INSL6: variants seen among roughly 807,000 people sequenced by gnomAD.
INSL6 encodes insulin-like peptide INSL6.
Under a neutral mutation model 9.4 loss-of-function variants are expected in INSL6, and 16 were observed. That is an observed-to-expected ratio of 1.70 (90% confidence interval 1.15 to 2.59). INSL6 has a LOEUF of 2.59. Ranked by LOEUF, INSL6 falls within the 30% of genes most tolerant of loss-of-function variation. INSL6 has a pLI of 0.00. For missense variants in INSL6, 391 were observed against 257.3 expected (o/e 1.52, Z -3.56); for synonymous variants, 154 against 96.9 (o/e 1.59, Z -3.46).
chr9:5,069,240 C>T, the INSL6 span: 2 of 1,457,220 alleles, frequency 1.4e-6, no homozygotes, highest in Non-Finnish European at 1.9e-6. Context: ...TTTTAAATTA[C>T]TGGTCATGGA....
the INSL6 span, among the ~76,000 whole-genome samples, chr9:5,012,400 G>A: frequency 3.3e-3 from 500 of 151,924 alleles, no homozygotes; most frequent in African/African-American, 0.011. Context: ...TATAATTGTC[G>A]TCATCAGGAA....
At chr9:5,010,479 C>T in the INSL6 span, among the ~76,000 whole-genome samples, 1,050 of 152,200 alleles carry the variant, frequency 6.9e-3, 23 homozygotes, top group African/African-American at 0.024. Flanking sequence ...TACCACTATG[C>T]CCGGCTAATT....
rs561277020 is a variant in INSL6 at position 5,168,334 on chromosome 9, C to T, written c.290-4069G>A. On this transcript the variant is annotated intron_variant, in intron 1 of 1. Coordinates refer to ENST00000381641, the MANE Select transcript of INSL6 (RefSeq NM_007179.3). ...AAAGAAGCTAAGAACCATAATAAAACATTACAGGAGCTGTTAACAAGAATA... is the reference window on the plus strand; with the variant it reads ...AAAGAAGCTAAGAACCATAATAAAATATTACAGGAGCTGTTAACAAGAATA... 3.7e-4 allele frequency among the ~76,000 whole-genome samples: 57 copies of T among 152,180 alleles called. 1 individual carries two copies. The highest frequency in any genetic ancestry group is 1.0e-3 in the South Asian group (5 of 4,810).
chr9:5,012,695 T>A, the INSL6 span, among the ~76,000 whole-genome samples: 1 of 152,238 alleles, frequency 6.6e-6, no homozygotes, highest in Admixed American at 6.5e-5. Flanking sequence ...CTGCTAAGAA[T>A]AGATCGTTTG....
At chr9:5,104,764 CAATA>C in the INSL6 span, among the ~76,000 whole-genome samples, 3 of 152,188 alleles carry the variant, frequency 2.0e-5, no homozygotes, top group African/African-American at 7.2e-5. Context: ...ATTTGCAAAT[CAATA>C]AACGTAATCC....
At chr9:5,089,461 C>T in the INSL6 span, among the ~76,000 whole-genome samples, 2 of 146,148 alleles carry the variant, frequency 1.4e-5, no homozygotes, top group African/African-American at 2.7e-5. Flanking sequence ...TGGTGTGAAC[C>T]CAGGGGGCGG....
downstream of INSL6, among the ~76,000 whole-genome samples, chr9:5,161,844 C>T (rs183296311): frequency 6.6e-6 from 1 of 152,134 alleles, no homozygotes; most frequent in East Asian, 1.9e-4. Context: ...CTTTGGGAGG[C>T]CAAGGTGGGA....
the INSL6 span, among the ~76,000 whole-genome samples, chr9:5,043,016 CG>C: frequency 6.6e-6 from 1 of 152,194 alleles, no homozygotes. Flanking sequence ...TCGCGCGGCT[CG>C]GCCCCTGGGC....
chr9:5,045,651 A>C, the INSL6 span, among the ~76,000 whole-genome samples: 3 of 152,192 alleles, frequency 2.0e-5, no homozygotes, highest in South Asian at 2.1e-4. Context: ...TACCTCATAC[A>C]AATGGAGTTA....
intron 2 of INSL6, among the ~76,000 whole-genome samples, chr9:5,143,857 A>T (rs556242998): frequency 6.6e-6 from 1 of 150,386 alleles, no homozygotes; most frequent in East Asian, 2.0e-4. Context: ...ACAGGGTTTC[A>T]CCATGTTGGC....
chr9:5,171,111 A>G (rs1429542874), intron 1 of INSL6, among the ~76,000 whole-genome samples: 1 of 152,194 alleles, frequency 6.6e-6, no homozygotes, highest in African/African-American at 2.4e-5. Flanking sequence ...AACCAAATAC[A>G]GCAGCACATC....
the INSL6 span, among the ~76,000 whole-genome samples, chr9:5,071,048 T>TA: frequency 6.6e-6 from 1 of 152,206 alleles, no homozygotes; most frequent in African/African-American, 2.4e-5. Flanking sequence ...ACTGCGCTTC[T>TA]GGTGAGGAAA....
chr9:5,155,601 G>A (rs1338089951), intron 2 of INSL6, among the ~76,000 whole-genome samples: 2 of 151,574 alleles, frequency 1.3e-5, no homozygotes, highest in Non-Finnish European at 2.9e-5. Context: ...AAAAAAGGGT[G>A]AGTTCAAGTC....
intron 1 of INSL6, among the ~76,000 whole-genome samples, chr9:5,179,396 A>C (rs1825393066): frequency 6.6e-6 from 1 of 152,206 alleles, no homozygotes. Context: ...GAACACTTTT[A>C]CACTGTTGGT....
chr9:5,126,598 G>A, intron 3 of INSL6: 1 of 994,600 alleles, frequency 1.0e-6, no homozygotes. Flanking sequence ...TATGACATGT[G>A]CCCTGTATTG....
At chr9:5,078,416 C>T in the INSL6 span, 3 of 1,612,602 alleles carry the variant, frequency 1.9e-6, no homozygotes, top group Admixed American at 1.7e-5. Flanking sequence ...GTGATCCTGG[C>T]ATTAGTATTA....
chr9:5,163,296 A>G (rs1824965958), downstream of INSL6, among the ~76,000 whole-genome samples: 1 of 152,224 alleles, frequency 6.6e-6, no homozygotes, highest in Admixed American at 6.5e-5. Context: ...ATTGAGATTT[A>G]TGTTGATTCA....
chr9:5,017,667 A>G, the INSL6 span, among the ~76,000 whole-genome samples: 2 of 152,202 alleles, frequency 1.3e-5, no homozygotes, highest in African/African-American at 2.4e-5. Flanking sequence ...AATACTGACT[A>G]TAATAAGATA....
the INSL6 span, chr9:5,086,090 C>T: frequency 4.8e-4 from 304 of 629,288 alleles, 1 homozygote; most frequent in Non-Finnish European, 7.3e-4. Flanking sequence ...CAAGTCCCTT[C>T]TGCCTATGAG....
Sources: allele counts gnomAD v4.1 joint callset (sites outside exome capture counted in the v4.1 genomes callset), GRCh38; gene constraint gnomAD v4.1.1; transcripts MANE v1.5; gene names NCBI Gene and HGNC (gene_info 2026-07-23, HGNC 2026-07-21).